The following DENND1A variants were observed in gnomAD, a reference collection of about 807,000 sequenced individuals.
The protein encoded by DENND1A is DENN domain-containing protein 1A.
DENND1A carries 51 observed loss-of-function variants against 113.7 expected under a neutral mutation model. The ratio of observed to expected loss-of-function variants is 0.45; its 90% CI spans 0.36 to 0.57. The LOEUF is 0.57. Among genes scored for constraint, DENND1A ranks in the 20% least tolerant of loss-of-function variants. The probability of loss-of-function intolerance (pLI) is 0.00; values close to 1 mark genes in which losing one functional copy is unlikely to be tolerated. For synonymous variants in DENND1A, 565 were observed against 570.8 expected (o/e 0.99, Z 0.14); for missense variants, 1,258 against 1,395.9 (o/e 0.90, Z 1.57).
At chr9:123,707,322 A>C (rs2066286676) in intron 5 of DENND1A, among the ~76,000 whole-genome samples, 1 of 151,680 alleles carries the variant, frequency 6.6e-6, no homozygotes, top group African/African-American at 2.4e-5. Flanking sequence ...TGAACCTGGG[A>C]GGCGGAGGTT....
chr9:123,641,436 CA>C (rs34664320), intron 9 of DENND1A, among the ~76,000 whole-genome samples: 2,469 of 113,446 alleles, frequency 0.022, 51 homozygotes, highest in African/African-American at 0.061. Context: ...AATGAAATGG[CA>C]AAAAAAAAAA....
At position 123,892,839 on chromosome 9, in the gene DENND1A, G is replaced by A. The variant is rs1016078487; in HGVS notation, c.18-13818C>T. Among the ~76,000 whole-genome samples the A allele has an allele frequency of 4.6e-5, 7 of 152,162 alleles. No homozygotes were observed. The East Asian group carries it at 5.8e-4, about 13-fold the overall frequency. On this transcript the variant is annotated intron_variant, in intron 1 of 23. Coordinates refer to ENST00000394215, the MANE Select transcript of DENND1A (RefSeq NM_001352964.2). ...TCTACTAAAAATACAAAAATTAGCC[G>A]GGTGTGGTCGTGGGCACCTGTAATC...
At chr9:123,748,412 G>C (rs2069714349) in intron 5 of DENND1A, among the ~76,000 whole-genome samples, 1 of 152,142 alleles carries the variant, frequency 6.6e-6, no homozygotes, top group African/African-American at 2.4e-5. Context: ...TAGAATTGTA[G>C]AGTCTTCAAA....
At chr9:123,389,243 T>C (rs572590278) in intron 21 of DENND1A, among the ~76,000 whole-genome samples, 82 of 152,200 alleles carry the variant, frequency 5.4e-4, no homozygotes, top group Non-Finnish European at 7.3e-4. Context: ...GCTCACTTCC[T>C]CCCAGAGGCT....
chr9:123,530,823 C>A lies in DENND1A; in HGVS notation c.993+26747G>T, dbSNP rs201008509. Among the ~76,000 whole-genome samples, 21 of 152,094 alleles carry A rather than the reference C, an allele frequency of 1.4e-4. No individual in the cohort carries two copies. In the East Asian group the frequency reaches 3.7e-3, roughly 27 times the overall value. ...CATACCTATGATAAAGTTTAATTTA[C>A]AAATTAGCCACATTAAGAGATTAAC... is the stretch of plus-strand genomic sequence containing the variant. On this transcript the variant is annotated intron_variant, in intron 13 of 23. Transcript: ENST00000394215.
At chr9:123,807,567 T>C (rs1835809432) in intron 2 of DENND1A, among the ~76,000 whole-genome samples, 1 of 152,248 alleles carries the variant, frequency 6.6e-6, no homozygotes. Flanking sequence ...TTACCATCTG[T>C]GCTCTTGCCA....
intron 1 of DENND1A, among the ~76,000 whole-genome samples, chr9:123,923,603 A>T (rs1292552312): frequency 6.6e-6 from 1 of 152,216 alleles, no homozygotes; most frequent in Non-Finnish European, 1.5e-5. Flanking sequence ...ACTGGAGCAG[A>T]GCTATCATAA....
chr9:123,546,275 G>A (rs768682863), intron 13 of DENND1A, among the ~76,000 whole-genome samples: 8 of 152,070 alleles, frequency 5.3e-5, no homozygotes, highest in Non-Finnish European at 8.8e-5. Context: ...TTGGCCGGGC[G>A]AGGTGGCTCA....
chr9:123,514,065 G>GGTGT (rs775882728), intron 13 of DENND1A, among the ~76,000 whole-genome samples: 6,034 of 109,192 alleles, frequency 0.055, 221 homozygotes, highest in African/African-American at 0.1. Flanking sequence ...TCTATTTTGA[G>GGTGT]GTGTGTGTGT....
chr9:123,743,409 A>G (rs1459730634), intron 5 of DENND1A, among the ~76,000 whole-genome samples: 6 of 58,786 alleles, frequency 1.0e-4, no homozygotes, highest in African/African-American at 2.1e-4. Flanking sequence ...CCAAAAGATA[A>G]ATAAATAAAT....
intron 21 of DENND1A, among the ~76,000 whole-genome samples, chr9:123,395,468 C>CTCTCTGTGTGTGTGTG (rs367751848): frequency 0.078 from 11,092 of 142,748 alleles, 593 homozygotes; most frequent in African/African-American, 0.14. Flanking sequence ...CTCTCTCTCT[C>CTCTCTGTGTGTGTGTG]TGTGTGTGTG....
chr9:123,435,392 G>C (rs1048452196), intron 19 of DENND1A, among the ~76,000 whole-genome samples: 2 of 152,168 alleles, frequency 1.3e-5, no homozygotes, highest in Non-Finnish European at 2.9e-5. Context: ...CCCAAGAGCT[G>C]TTCCTGGGGC....
At chr9:123,737,090 G>C (rs1365984078) in intron 5 of DENND1A, among the ~76,000 whole-genome samples, 1 of 152,082 alleles carries the variant, frequency 6.6e-6, no homozygotes, top group Non-Finnish European at 1.5e-5. Flanking sequence ...ATCCTGCCTG[G>C]GTTAAAATTA....
Position 123,383,740 on chromosome 9 carries a change from A to C in DENND1A, c.1934T>G (p.Leu645Arg). The change falls in exon 23 of 24, where the codon CTG becomes CGG. Residue 645 changes from leucine to arginine, a missense_variant. Physicochemically the swap from Leu to Arg is moderately radical, Grantham distance 102. Transcript: ENST00000394215. Reference protein sequence around the residue: ...VFSNLDMEAALQPLGQAKSLE... With the variant: ...VFSNLDMEAARQPLGQAKSLE... The stretch of plus-strand genomic sequence containing the variant: ...GCTCTTGGCCTGGCCCAGTGGCTGC[A>C]GTGCGGCCTCCATGTCCAGGTTGCT... 1 of 1,614,156 alleles carries C rather than the reference A, an allele frequency of 6.2e-7. No homozygotes were observed. Among genetic ancestry groups the C allele is most frequent in the African/African-American group, 1.3e-5 (1 of 75,062 alleles).
intron 2 of DENND1A, among the ~76,000 whole-genome samples, chr9:123,826,091 C>T (rs1285885135): frequency 1.3e-5 from 2 of 152,098 alleles, no homozygotes; most frequent in Non-Finnish European, 2.9e-5. Context: ...TTTCTCAGTC[C>T]CCTGAGATTT....
At chr9:123,392,864 C>A (rs753790493) in intron 21 of DENND1A, among the ~76,000 whole-genome samples, 3 of 152,156 alleles carry the variant, frequency 2.0e-5, no homozygotes, top group Non-Finnish European at 4.4e-5. Flanking sequence ...ATTCTTACGC[C>A]TTTGCATCCT....
At chr9:123,862,921 C>A (rs1845258989) in intron 2 of DENND1A, among the ~76,000 whole-genome samples, 1 of 152,210 alleles carries the variant, frequency 6.6e-6, no homozygotes, top group African/African-American at 2.4e-5. Context: ...ATCTTGCTTT[C>A]TCTCATTTAA....
intron 12 of DENND1A, among the ~76,000 whole-genome samples, chr9:123,571,378 G>A (rs1051156971): frequency 1.3e-5 from 2 of 152,194 alleles, no homozygotes; most frequent in African/African-American, 2.4e-5. Context: ...ATGTCTACAC[G>A]TGTGTAACCA....
intron 1 of DENND1A, among the ~76,000 whole-genome samples, chr9:123,884,995 GCGCACACACA>G (rs1848822797): frequency 7.9e-6 from 1 of 126,126 alleles, no homozygotes; most frequent in African/African-American, 3.7e-5. Context: ...GCGAGCGCGC[GCGCACACACA>G]CACACACACA....
Sources: gnomAD v4.1 joint callset for allele counts (sites outside exome capture counted in the v4.1 genomes callset) on GRCh38, gnomAD v4.1.1 for gene constraint, MANE v1.5 for transcripts, NCBI Gene and HGNC (gene_info 2026-07-23, HGNC 2026-07-21) for gene names.